Variants in BAIAP2 observed in about 807,000 individuals in gnomAD.
BAIAP2 encodes the protein BAR/IMD domain containing adaptor protein 2.
In BAIAP2, 18 loss-of-function variants were observed where a neutral mutation model predicts 63.0. That is an observed-to-expected ratio of 0.29 (90% confidence interval 0.20 to 0.42). The LOEUF (loss-of-function observed/expected upper bound fraction) is 0.42, where lower values mean the gene tolerates loss of function less well. Ranked by LOEUF, BAIAP2 falls within the 10% of genes least tolerant of loss-of-function variation. The pLI, the probability that BAIAP2 is intolerant of heterozygous loss-of-function variation, is 1.00. For synonymous variants in BAIAP2, 386 were observed against 307.6 expected (o/e 1.25, Z -2.67); for missense variants, 610 against 734.3 (o/e 0.83, Z 1.96).
At position 81,046,903 on chromosome 17, in the gene BAIAP2, C is replaced by T. The variant is rs1275438788; in HGVS notation, c.55-6765C>T. ...GGTCCTCATGCTGTGGCTGTGGTGGCACAGCGGGCTGGGGGAAGCCCCTCT... is the reference window on the plus strand; with the variant it reads ...GGTCCTCATGCTGTGGCTGTGGTGGTACAGCGGGCTGGGGGAAGCCCCTCT... On this transcript the variant is annotated intron_variant, in intron 1 of 13. Transcript: ENST00000428708. This position sits in a 1 kb window ranked among gnomAD's most constrained non-coding sequence, Gnocchi z 4.5. Among the ~76,000 whole-genome samples, 1 of 152,218 alleles carries T rather than the reference C, an allele frequency of 6.6e-6. No homozygotes were observed.
At chr17:81,078,407 G>C (rs1211552329) in intron 3 of BAIAP2, among the ~76,000 whole-genome samples, 1 of 147,466 alleles carries the variant, frequency 6.8e-6, no homozygotes, top group Non-Finnish European at 1.5e-5. Flanking sequence ...GTGGGAGCCG[G>C]GCGCTGTGGG....
chr17:81,105,104 C>G (rs971408768), intron 10 of BAIAP2: 71 of 110,388 alleles, frequency 6.4e-4, no homozygotes, highest in Non-Finnish European at 9.0e-4. Context: ...GCAGGGGTCT[C>G]CCCCCAGTGG....
chr17:81,103,910 A>G lies in BAIAP2; in HGVS notation c.868A>G (p.Met290Val), dbSNP rs2058814582. 1.2e-6 allele frequency: 2 copies of G among 1,612,910 alleles called. No homozygotes were observed. The highest frequency in any genetic ancestry group is 2.7e-5 in the African/African-American group (2 of 75,056). ...PPELAPFVGR[M>V]SAQESTPIMN... ...TGCTCTGCCTGCTTCCCTGCAGCGGATGTCTGCCCAGGAGAGCACACCCAT... is the reference window on the plus strand; with the variant it reads ...TGCTCTGCCTGCTTCCCTGCAGCGGGTGTCTGCCCAGGAGAGCACACCCAT... The change falls in exon 9 of 14, where the codon ATG (methionine) becomes GTG (valine). Residue 290 changes from methionine (M) to valine (V), a missense_variant. Met to Val is a conservative substitution (Grantham distance 21). Around this residue, in one of 5 missense-constraint regions of BAIAP2, gnomAD observed 389 missense variants for 455.6 expected, o/e 0.85. Transcript: ENST00000428708.
intron 3 of BAIAP2, among the ~76,000 whole-genome samples, chr17:81,062,216 G>C (rs141826522): frequency 6.4e-4 from 97 of 152,208 alleles, no homozygotes; most frequent in African/African-American, 2.3e-3. Flanking sequence ...CTCCCAGAGT[G>C]CTGAGATTAC....
chr17:81,074,821 G>C (rs2053388201), intron 3 of BAIAP2, among the ~76,000 whole-genome samples: 1 of 152,212 alleles, frequency 6.6e-6, no homozygotes, highest in Non-Finnish European at 1.5e-5. Context: ...AGTGCATGTG[G>C]GTGTACCTAT....
At chr17:81,111,197 G>C (rs943739929) in intron 13 of BAIAP2, among the ~76,000 whole-genome samples, 2 of 152,224 alleles carry the variant, frequency 1.3e-5, no homozygotes, top group African/African-American at 4.8e-5. Flanking sequence ...TGTGCCCGGG[G>C]CTCCTCTCAC....
chr17:81,040,145 G>A (rs141928196), intron 1 of BAIAP2, among the ~76,000 whole-genome samples: 1 of 152,338 alleles, frequency 6.6e-6, no homozygotes, highest in East Asian at 1.9e-4. Context: ...TGCTGGTTGA[G>A]GCTGGCTCCT....
intron 6 of BAIAP2, chr17:81,087,400 T>C (rs2055873403): frequency 6.6e-6 from 1 of 152,248 alleles, no homozygotes. Flanking sequence ...TGCGTGTGTG[T>C]GTGCGACCGT....
intron 1 of BAIAP2, among the ~76,000 whole-genome samples, chr17:81,039,068 A>G (rs1041001481): frequency 2.6e-5 from 4 of 152,250 alleles, no homozygotes; most frequent in Non-Finnish European, 5.9e-5. Context: ...ATCTTGCCGC[A>G]GGGTGGCTGG....
At chr17:81,041,119 C>T (rs1216729545) in intron 1 of BAIAP2, among the ~76,000 whole-genome samples, 2 of 152,262 alleles carry the variant, frequency 1.3e-5, no homozygotes, top group African/African-American at 4.8e-5. Context: ...GCCTTGTCTG[C>T]TGGCTCTTGG....
At chr17:81,113,219 CCCT>C (rs1469094563) in intron 13 of BAIAP2, among the ~76,000 whole-genome samples, 2 of 152,234 alleles carry the variant, frequency 1.3e-5, no homozygotes, top group Non-Finnish European at 2.9e-5. Context: ...ATGACGCAGG[CCCT>C]CCTCAGGGTC....
chr17:81,065,055 C>T (rs2051227014), intron 3 of BAIAP2, among the ~76,000 whole-genome samples: 1 of 152,220 alleles, frequency 6.6e-6, no homozygotes, highest in Admixed American at 6.5e-5. Flanking sequence ...ACACCCACTG[C>T]TCTCAAAGCC....
intron 1 of BAIAP2, among the ~76,000 whole-genome samples, chr17:81,043,114 A>G (rs749462653): frequency 5.9e-5 from 9 of 151,626 alleles, no homozygotes; most frequent in Non-Finnish European, 1.2e-4. Context: ...TGATCCTCCC[A>G]CCTCGGCCTC....
Position 81,035,218 on chromosome 17 carries a change from C to T in BAIAP2, c.-37C>T. The T allele has an allele frequency of 1.4e-6, 2 of 1,466,894 alleles. No individual in the cohort carries two copies. Among genetic ancestry groups the T allele is most frequent in the Non-Finnish European group, 1.8e-6 (2 of 1,099,922 alleles). The allele number at this position is 1,466,894 out of a possible 1,614,324, so 90.9% of individuals were successfully genotyped here. ...GCCGCTGCTGCCGCCGCTTGCGTCC[C>T]CCGCTCCGGTCTGTGGTGCAGCCGG... On this transcript the variant is annotated 5_prime_UTR_variant, in exon 1 of 14. Transcript: ENST00000428708.
intron 13 of BAIAP2, 77 bp from the exon 14 acceptor site, chr17:81,115,693 G>A: frequency 6.4e-7 from 1 of 1,558,362 alleles, no homozygotes; most frequent in Non-Finnish European, 8.8e-7. Context: ...GAATCCCTGG[G>A]GCATCGGGCA....
At chr17:81,077,061 G>A (rs1026904019) in intron 3 of BAIAP2, among the ~76,000 whole-genome samples, 1 of 152,176 alleles carries the variant, frequency 6.6e-6, no homozygotes, top group African/African-American at 2.4e-5. Context: ...AATGTAGAGG[G>A]TCATGTGTGA....
Position 81,108,519 on chromosome 17 carries a change from C to A in BAIAP2, c.1535+10C>A, listed in dbSNP as rs199785553. Reference sequence around the variant, plus strand: ...CGCGGTCCATGAGCAGGTAAGGGGACTTTCAGACCTGTCTTTGGGACCGTG... The same window carrying A: ...CGCGGTCCATGAGCAGGTAAGGGGAATTTCAGACCTGTCTTTGGGACCGTG... On this transcript the variant is annotated intron_variant, in intron 13 of 13. Coordinates refer to ENST00000428708, the MANE Select transcript of BAIAP2 (RefSeq NM_001144888.2). The A allele has an allele frequency of 7.6e-5, 122 of 1,613,872 alleles. No individual in the cohort carries two copies. Among genetic ancestry groups the A allele is most frequent in the Middle Eastern group, 4.9e-4 (3 of 6,062 alleles).
At chr17:81,089,829 C>G (rs1466336600) in intron 6 of BAIAP2, among the ~76,000 whole-genome samples, 1 of 152,150 alleles carries the variant, frequency 6.6e-6, no homozygotes, top group Non-Finnish European at 1.5e-5. Context: ...GGCAGGGCCC[C>G]GAAGCGCATG....
Position 81,106,992 on chromosome 17 carries a change from A to AG in BAIAP2, c.1500+89dup, listed in dbSNP as rs1235579812. The AG allele has an allele frequency of 2.7e-5, 39 of 1,421,562 alleles. No individual in the cohort carries two copies. In the Admixed American group the frequency reaches 3.1e-4, roughly 11 times the overall value. 88.1% of individuals were successfully genotyped at this position (1,421,562 alleles called of 1,614,324 possible). A position where few individuals can be genotyped will look rare whatever the true frequency, so the allele number is the denominator to read the frequency against. ...CAGTCCCCCGTTGGAGCCTCCGCTG[A>AG]GGGGCGGGGCGCCTGGGGGTCTGGG... On this transcript the variant is annotated intron_variant, in intron 12 of 13. Coordinates refer to ENST00000428708, the MANE Select transcript of BAIAP2 (RefSeq NM_001144888.2).
Sources: gnomAD v4.1 joint callset for allele counts (sites outside exome capture counted in the v4.1 genomes callset) on GRCh38, gnomAD v4.1.1 for gene constraint, gnomAD v4.1.1 regional missense constraint, Gnocchi (gnomAD v3.1) non-coding constraint, MANE v1.5 for transcripts, NCBI Gene and HGNC (gene_info 2026-07-23, HGNC 2026-07-21) for gene names.